The following FGD3 variants were observed in gnomAD, a reference collection of about 807,000 sequenced individuals.
FGD3 encodes the protein FYVE, RhoGEF and PH domain-containing protein 3.
Under a neutral mutation model 71.8 loss-of-function variants are expected in FGD3, and 45 were observed. That is an observed-to-expected ratio of 0.63 (90% CI 0.49 to 0.80). The LOEUF (loss-of-function observed/expected upper bound fraction) is 0.80. FGD3 is among the 30% of genes least tolerant of loss of function. FGD3 has a pLI of 0.00. For synonymous variants in FGD3, 378 were observed against 392.8 expected (o/e 0.96, Z 0.44); for missense variants, 844 against 951.5 (o/e 0.89, Z 1.49).
chr9:93,027,224 G>T (rs1862147551), intron 14 of FGD3, among the ~76,000 whole-genome samples: 1 of 152,208 alleles, frequency 6.6e-6, no homozygotes, highest in South Asian at 2.1e-4. Context: ...CCTGCAGGTG[G>T]GCCAATGAAC....
At chr9:92,968,808 A>G (rs535569150) in intron 1 of FGD3, among the ~76,000 whole-genome samples, 26 of 152,142 alleles carry the variant, frequency 1.7e-4, no homozygotes, top group Non-Finnish European at 3.1e-4. Context: ...CACCATATTC[A>G]TCAGGCTGGT....
At chr9:92,976,111 C>T (rs901961241) in intron 2 of FGD3, 97 bp from the exon 3 acceptor site, 4 of 708,122 alleles carry the variant, frequency 5.6e-6, no homozygotes, top group Non-Finnish European at 9.1e-6. Flanking sequence ...CGGTGGGGGG[C>T]GGAGGGTACT....
intron 14 of FGD3, among the ~76,000 whole-genome samples, chr9:93,029,156 C>T (rs949945171): frequency 1.8e-4 from 28 of 151,836 alleles, no homozygotes; most frequent in Admixed American, 1.3e-3. Flanking sequence ...CTCAGCCTCC[C>T]GAGTAGCTGG....
chr9:92,959,910 T>G (rs150105422), intron 1 of FGD3, among the ~76,000 whole-genome samples: 1 of 151,634 alleles, frequency 6.6e-6, no homozygotes, highest in Non-Finnish European at 1.5e-5. Context: ...CATTTCTCTA[T>G]GTCCATGTGG....
At chr9:92,960,139 C>T (rs1418073864) in intron 1 of FGD3, among the ~76,000 whole-genome samples, 3 of 151,940 alleles carry the variant, frequency 2.0e-5, no homozygotes, top group Non-Finnish European at 2.9e-5. Flanking sequence ...CCTGTGTCTT[C>T]ATGTCTTCAT....
At chr9:93,009,813 A>G (rs1011845167) in intron 6 of FGD3, among the ~76,000 whole-genome samples, 3 of 152,212 alleles carry the variant, frequency 2.0e-5, no homozygotes, top group Non-Finnish European at 4.4e-5. Flanking sequence ...GCTTCTAGGC[A>G]TAAGGACAAG....
intron 1 of FGD3, among the ~76,000 whole-genome samples, chr9:92,956,210 T>G (rs1859047873): frequency 6.6e-6 from 1 of 152,228 alleles, no homozygotes. Context: ...ATTTTATTTC[T>G]TCCTTTCTGC....
chr9:93,010,323 G>A lies in FGD3; in HGVS notation c.915G>A (p.Leu305=), dbSNP rs1184918981. Residue 305 remains leucine, a synonymous_variant, in exon 7 of 18, where the codon CTG becomes CTA. Coordinates refer to ENST00000375482, the MANE Select transcript of FGD3 (RefSeq NM_001083536.2). ...EPVQRVPRYE[L]LLKDYLKRLP... ...TGCAGAGGGTCCCCCGGTACGAGCT[G>A]CTGCTCAAGGACTATCTGAAGAGGC... The A allele has an allele frequency of 6.2e-7, 1 of 1,613,712 alleles. No homozygotes were observed.
intron 16 of FGD3, chr9:93,033,081 G>A (rs1407580194): frequency 9.3e-6 from 6 of 642,884 alleles, no homozygotes; most frequent in Admixed American, 2.2e-5. Context: ...GACCAGCCAG[G>A]GCCAAGGCTT....
At chr9:93,026,975 G>A (rs1450801305) in intron 14 of FGD3, among the ~76,000 whole-genome samples, 2 of 152,234 alleles carry the variant, frequency 1.3e-5, no homozygotes, top group Admixed American at 1.3e-4. Context: ...TGGAGAAGAG[G>A]TTTTTGCCGC....
In FGD3 at chr9:92,991,065, A is replaced by ATTTGTTTG. The variant is rs144744941; in HGVS notation, c.454-11836_454-11829dup. Among the ~76,000 whole-genome samples the ATTTGTTTG allele has an allele frequency of 1.8e-3, 275 of 151,166 alleles. 2 individuals carry two copies. The highest frequency in any genetic ancestry group is 6.1e-3 in the Admixed American group (92 of 15,174). ...GGTCCTGGACTTTTTTTGTTTGGAGATTTGTTTGTTTGTTTGTTTGTTTGT... is the reference window on the plus strand; with the variant it reads ...GGTCCTGGACTTTTTTTGTTTGGAGATTTGTTTGTTTGTTTGTTTGTTTGTTTGTTTGT... On this transcript the variant is annotated intron_variant, in intron 3 of 17. Transcript: ENST00000375482.
At position 93,010,484 on chromosome 9, in the gene FGD3, G is replaced by T. The variant is rs1861276901; in HGVS notation, c.976+100G>T. On this transcript the variant is annotated intron_variant, in intron 7 of 17. Transcript: ENST00000375482. ...GAGAGAGAGTCGTGGGGTCATGGGG[G>T]TAGGGGAGAGAGAAACAGAGAGACC... 5.4e-6 allele frequency: 7 copies of T among 1,293,186 alleles called. No homozygotes were observed. In the African/African-American group the frequency reaches 1.1e-4, roughly 19 times the overall value. 80.1% of individuals were successfully genotyped at this position (1,293,186 alleles called of 1,614,324 possible). A position where few individuals can be genotyped will look rare whatever the true frequency, so the allele number is the denominator to read the frequency against.
At chr9:93,032,436 T>G in intron 15 of FGD3, 1 of 260,766 alleles carries the variant, frequency 3.8e-6, no homozygotes, top group Non-Finnish European at 7.5e-6. Flanking sequence ...TGGTTATGAA[T>G]TTGATTTGCG....
At chr9:93,032,013 C>G (rs1226289167) in intron 15 of FGD3, among the ~76,000 whole-genome samples, 2 of 152,176 alleles carry the variant, frequency 1.3e-5, no homozygotes, top group East Asian at 3.8e-4. Flanking sequence ...CTGAGGAGCA[C>G]TCCTTGGCTA....
At chr9:93,024,023 A>T (rs1055114939) in intron 14 of FGD3, among the ~76,000 whole-genome samples, 1 of 151,902 alleles carries the variant, frequency 6.6e-6, no homozygotes, top group Non-Finnish European at 1.5e-5. Flanking sequence ...GGATGGTCTC[A>T]ATCTCTTGAC....
intron 3 of FGD3, among the ~76,000 whole-genome samples, chr9:92,987,678 G>A (rs1040998263): frequency 2.0e-5 from 3 of 152,050 alleles, no homozygotes; most frequent in Non-Finnish European, 2.9e-5. Flanking sequence ...ACATCCCTTC[G>A]CCCCTGATTC....
rs547671217 is a variant in FGD3, at chr9:92,997,093, T to A, written c.454-5832T>A. On this transcript the variant is annotated intron_variant, in intron 3 of 17. Transcript: ENST00000375482. ...AGTGGGGTGTTAAAGTCTCCCATTA[T>A]TTTTGTGTGGGAGTCTAAGTCTCTT... Among the ~76,000 whole-genome samples the A allele has an allele frequency of 1.9e-4, 29 of 152,320 alleles. 1 individual carries two copies. The highest frequency in any genetic ancestry group is 6.8e-3 in the Middle Eastern group (2 of 294).
rs759073543 is a variant in FGD3 at position 92,976,272 on chromosome 9, G to C, written c.16G>C (p.Gly6Arg). The change falls in exon 3 of 18, where the codon GGG (glycine) becomes CGG (arginine). Residue 6 changes from glycine (G) to arginine (R), a missense_variant. Gly to Arg is a moderately radical substitution (Grantham distance 125). Transcript: ENST00000375482. ...AGCTTTAAGGATGGAGTCAGGCAGGGGGTCCTCAACCCCTCCAGGACCCAT... is the reference window on the plus strand; with the variant it reads ...AGCTTTAAGGATGGAGTCAGGCAGGCGGTCCTCAACCCCTCCAGGACCCAT... MESGRGSSTPPGPIAA... is the reference protein window; with the variant it reads MESGRRSSTPPGPIAA... The C allele has an allele frequency of 4.4e-6, 7 of 1,585,686 alleles. No individual in the cohort carries two copies. In the East Asian group the frequency reaches 1.6e-4, roughly 36 times the overall value.
At chr9:92,999,194 C>T (rs1860762376) in intron 3 of FGD3, among the ~76,000 whole-genome samples, 1 of 152,204 alleles carries the variant, frequency 6.6e-6, no homozygotes, top group Non-Finnish European at 1.5e-5. Flanking sequence ...CCCCCAGCCT[C>T]GCTGCTGCCT....
Sources: allele counts gnomAD v4.1 joint callset (sites outside exome capture counted in the v4.1 genomes callset), GRCh38; gene constraint gnomAD v4.1.1; transcripts MANE v1.5; gene names NCBI Gene and HGNC (gene_info 2026-07-23, HGNC 2026-07-21).